MCTP2: variants seen among roughly 807,000 people sequenced by gnomAD.
MCTP2 encodes the protein multiple C2 and transmembrane domain-containing protein 2.
A neutral mutation model predicts 111.6 loss-of-function variants in MCTP2; 132 were observed. The observed-to-expected ratio is 1.18, with a 90% CI of 1.03 to 1.37. The LOEUF is 1.37. Among genes scored for constraint, MCTP2 ranks in the 40% most tolerant of loss-of-function variants. The probability of loss-of-function intolerance (pLI) is 0.00; values close to 1 mark genes in which losing one functional copy is unlikely to be tolerated. For synonymous variants in MCTP2, 395 were observed against 387.7 expected (o/e 1.02, Z -0.22); for missense variants, 1,183 against 1,067.9 (o/e 1.11, Z -1.50).
At chr15:94,352,266 G>A (rs923532361) in intron 8 of MCTP2, among the ~76,000 whole-genome samples, 4 of 152,190 alleles carry the variant, frequency 2.6e-5, no homozygotes, top group African/African-American at 2.4e-5. Context: ...GGTCTTGAAC[G>A]AGAAGTAAAT....
At chr15:94,447,249 G>A (rs980058092) in intron 19 of MCTP2, among the ~76,000 whole-genome samples, 6 of 152,152 alleles carry the variant, frequency 3.9e-5, no homozygotes, top group African/African-American at 1.4e-4. Flanking sequence ...CTCATTCCCT[G>A]TGTTTCCTTG....
intron 1 of MCTP2, among the ~76,000 whole-genome samples, chr15:94,257,610 G>T (rs1413723870): frequency 2.8e-5 from 1 of 35,876 alleles, no homozygotes; most frequent in Non-Finnish European, 5.1e-5. Context: ...TTTTTGAGAC[G>T]GAGTCTTGCT....
chr15:94,303,087 A>ATAGTTTATATATATAGTTTATATATATG (rs1417630195), intron 2 of MCTP2, among the ~76,000 whole-genome samples: 6 of 135,586 alleles, frequency 4.4e-5, no homozygotes, highest in Non-Finnish European at 7.8e-5. Flanking sequence ...TTATATATAT[A>ATAGTTTATATATATAGTTTATATATATG]TAGTTTATAT....
intron 7 of MCTP2, chr15:94,343,460 GC>G (rs748092091): frequency 1.6e-4 from 25 of 152,124 alleles, no homozygotes; most frequent in Non-Finnish European, 2.6e-4. Context: ...CTTTGAGGTA[GC>G]CTTTGTTGCT....
intron 17 of MCTP2, among the ~76,000 whole-genome samples, chr15:94,438,625 C>T (rs1289809241): frequency 2.0e-5 from 3 of 152,084 alleles, no homozygotes; most frequent in African/African-American, 7.2e-5. Context: ...ACTGAACGAA[C>T]GGTTGGTTAG....
intron 4 of MCTP2, among the ~76,000 whole-genome samples, chr15:94,325,886 C>G (rs1334183981): frequency 7.1e-6 from 1 of 140,330 alleles, no homozygotes; most frequent in Non-Finnish European, 1.5e-5. Context: ...GTGGCGCGAT[C>G]TCGGCTCACT....
intron 1 of MCTP2, among the ~76,000 whole-genome samples, chr15:94,244,139 CAT>C (rs1213660873): frequency 4.9e-5 from 7 of 143,590 alleles, no homozygotes; most frequent in East Asian, 4.1e-4. Flanking sequence ...TATACACATG[CAT>C]ATGTGTATAT....
At position 94,442,824 on chromosome 15, in the gene MCTP2, G is replaced by A. The variant is rs77840462; in HGVS notation, c.2209-95G>A. The A allele has an allele frequency of 4.8e-3, 4,844 of 1,005,430 alleles. 147 individuals carry two copies. In the African/African-American group the frequency reaches 0.066, roughly 14 times the overall value. The allele number at this position is 1,005,430 out of a possible 1,614,324, so 62.3% of individuals were successfully genotyped here. On this transcript the variant is annotated intron_variant, in intron 18 of 22. Transcript: ENST00000357742. ...ATGCATTTCAAAAATATAAATGCTT[G>A]AAGTCTGTAGGCAAGCTTTAAAATG...
intron 2 of MCTP2, among the ~76,000 whole-genome samples, chr15:94,304,004 C>T (rs1459837446): frequency 6.6e-6 from 1 of 152,168 alleles, no homozygotes; most frequent in Non-Finnish European, 1.5e-5. Flanking sequence ...TGAGTAAGTT[C>T]TTGAGAAAGT....
At chr15:94,402,060 T>C (rs977655339) in intron 17 of MCTP2, 41 bp downstream of exon 17, 5 of 1,600,694 alleles carry the variant, frequency 3.1e-6, no homozygotes, top group Non-Finnish European at 4.3e-6. Context: ...TGCTTCTTAT[T>C]TGCATCTATT....
chr15:94,396,669 A>G (rs2081299948), intron 14 of MCTP2, among the ~76,000 whole-genome samples: 1 of 152,208 alleles, frequency 6.6e-6, no homozygotes, highest in African/African-American at 2.4e-5. Context: ...TAACCCAAAC[A>G]TATTCCAAAT....
At chr15:94,332,129 G>A (rs990083420) in intron 4 of MCTP2, among the ~76,000 whole-genome samples, 2 of 152,144 alleles carry the variant, frequency 1.3e-5, no homozygotes, top group African/African-American at 4.8e-5. Context: ...TCAGATGGCC[G>A]AGGAAAAATG....
chr15:94,262,014 T>C (rs1176617440), intron 1 of MCTP2, among the ~76,000 whole-genome samples: 2 of 152,238 alleles, frequency 1.3e-5, no homozygotes, highest in Non-Finnish European at 2.9e-5. Context: ...TAAATATTTT[T>C]GGAAAACTAA....
intron 19 of MCTP2, among the ~76,000 whole-genome samples, chr15:94,452,495 T>C (rs1205229894): frequency 1.3e-5 from 2 of 152,222 alleles, no homozygotes; most frequent in Non-Finnish European, 2.9e-5. Flanking sequence ...AAGCATTTGC[T>C]TATTTCTTGG....
At position 94,361,539 on chromosome 15, in the gene MCTP2, T is replaced by G. The variant is rs2078943874; in HGVS notation, c.1301+2927T>G. ...CATGGCTAACAGTAACAACATCTAC[T>G]TGACACTGTTTATTCCCTTGCGCAC... is the stretch of plus-strand genomic sequence containing the variant. On this transcript the variant is annotated intron_variant, in intron 10 of 22. Transcript: ENST00000357742. 1.3e-5 allele frequency among the ~76,000 whole-genome samples: 2 copies of G among 152,228 alleles called. 1 individual carries two copies. Among genetic ancestry groups the G allele is most frequent in the Non-Finnish European group, 2.9e-5 (2 of 68,032 alleles).
rs191648626 is a variant in MCTP2 at position 94,382,356 on chromosome 15, A to G, written c.1583-1666A>G. On this transcript the variant is annotated intron_variant, in intron 12 of 22. Coordinates refer to ENST00000357742, the MANE Select transcript of MCTP2 (RefSeq NM_001385001.1). Reference sequence around the variant, plus strand: ...AATTTCTTTTCCGCTATATGTAGACAGGGACCATTTCCATTGTTTGCAATT... The same window carrying G: ...AATTTCTTTTCCGCTATATGTAGACGGGGACCATTTCCATTGTTTGCAATT... 1.9e-3 allele frequency among the ~76,000 whole-genome samples: 292 copies of G among 152,368 alleles called. 3 individuals carry two copies. The highest frequency in any genetic ancestry group is 6.5e-4 in the Non-Finnish European group (44 of 68,036).
At chr15:94,244,331 T>C (rs1044968719) in intron 1 of MCTP2, among the ~76,000 whole-genome samples, 1 of 148,884 alleles carries the variant, frequency 6.7e-6, no homozygotes, top group African/African-American at 2.5e-5. Context: ...TACACATGTA[T>C]ATATACACGT....
chr15:94,370,627 G>T (rs911948825), intron 12 of MCTP2, among the ~76,000 whole-genome samples: 2 of 152,130 alleles, frequency 1.3e-5, no homozygotes, highest in African/African-American at 4.8e-5. Context: ...CCAGAGCCTA[G>T]GCCCTGGGAT....
At chr15:94,464,244 A>G in intron 20 of MCTP2, among the ~76,000 whole-genome samples, 1 of 60,420 alleles carries the variant, frequency 1.7e-5, no homozygotes, top group East Asian at 3.6e-4. Flanking sequence ...TATATAATAT[A>G]TATATATATA....
Sources: gnomAD v4.1 joint callset for allele counts (sites outside exome capture counted in the v4.1 genomes callset) on GRCh38, gnomAD v4.1.1 for gene constraint, MANE v1.5 for transcripts, NCBI Gene and HGNC (gene_info 2026-07-23, HGNC 2026-07-21) for gene names.